KCNC2: variants seen among roughly 807,000 people sequenced by gnomAD.
KCNC2 encodes voltage-gated potassium channel KCNC2.
KCNC2 carries 21 observed loss-of-function variants against 44.5 expected under a neutral mutation model. The observed-to-expected ratio is 0.47, with a 90% CI of 0.33 to 0.68. KCNC2 has a LOEUF of 0.68. KCNC2 is among the 30% of genes least tolerant of loss of function. The pLI is 0.01. For synonymous variants in KCNC2, 391 were observed against 339.1 expected (o/e 1.15, Z -1.68); for missense variants, 589 against 826.2 (o/e 0.71, Z 3.52).
chr12:75,201,529 T>A (rs1282134838), intron 2 of KCNC2, among the ~76,000 whole-genome samples: 1 of 151,860 alleles, frequency 6.6e-6, no homozygotes, highest in Non-Finnish European at 1.5e-5. Context: ...GAAGATGAAG[T>A]AAATTCTCCA....
chr12:75,041,915 T>G lies in KCNC2; in HGVS notation c.*1190A>C. The G allele has an allele frequency of 7.0e-6, 7 of 995,804 alleles. No individual in the cohort carries two copies. Among genetic ancestry groups the G allele is most frequent in the Non-Finnish European group, 8.4e-6 (7 of 837,088 alleles). 61.7% of individuals were successfully genotyped at this position (995,804 alleles called of 1,614,324 possible). The stretch of plus-strand genomic sequence containing the variant: ...AAATCATAAACATCTTACAGAGGCA[T>G]TTCTGTGCTTCATGGAGACAGATGG... On this transcript the variant is annotated 3_prime_UTR_variant, in exon 5 of 5. Coordinates refer to ENST00000549446, the MANE Select transcript of KCNC2 (RefSeq NM_139137.4).
intron 2 of KCNC2, among the ~76,000 whole-genome samples, chr12:75,091,490 T>C (rs1885469343): frequency 6.6e-6 from 1 of 151,668 alleles, no homozygotes; most frequent in Non-Finnish European, 1.5e-5. Flanking sequence ...AGCAATAAAA[T>C]AATGCTTGAA....
rs1880065358 is a variant in KCNC2 at position 75,042,833 on chromosome 12, C to G, written c.*272G>C. 4 of 1,265,640 alleles carry G rather than the reference C, an allele frequency of 3.2e-6. No homozygotes were observed. The East Asian group carries it at 1.4e-4, about 44-fold the overall frequency. 78.4% of individuals were successfully genotyped at this position (1,265,640 alleles called of 1,614,324 possible). On this transcript the variant is annotated 3_prime_UTR_variant, in exon 5 of 5. Coordinates refer to ENST00000549446, the MANE Select transcript of KCNC2 (RefSeq NM_139137.4). ...TATGTTTATATATTAGTGCACTGGT[C>G]AATATCTGACACTATCTGTCATTTT...
chr12:75,064,274 T>G (rs1023123088), intron 2 of KCNC2, among the ~76,000 whole-genome samples: 1 of 152,044 alleles, frequency 6.6e-6, no homozygotes, highest in Non-Finnish European at 1.5e-5. Flanking sequence ...TATTATAATC[T>G]CTCTTATTTG....
At chr12:75,120,679 A>G (rs1887987095) in intron 2 of KCNC2, among the ~76,000 whole-genome samples, 2 of 152,146 alleles carry the variant, frequency 1.3e-5, no homozygotes, top group Non-Finnish European at 2.9e-5. Context: ...ACTCCTTGGC[A>G]TGTGATTATT....
chr12:75,204,207 A>G lies in KCNC2; in HGVS notation c.687+3090T>C, dbSNP rs549359822. 9.9e-5 allele frequency among the ~76,000 whole-genome samples: 15 copies of G among 152,110 alleles called. No homozygotes were observed. The South Asian group carries it at 3.1e-3, about 31-fold the overall frequency. On this transcript the variant is annotated intron_variant, in intron 2 of 4. Coordinates refer to ENST00000549446, the MANE Select transcript of KCNC2 (RefSeq NM_139137.4). ...TTAAGAATAAGAATTTAAATGTATA[A>G]AATATACACTTATTTACCAATTGAA...
At chr12:75,064,657 A>C (rs7309665) in intron 2 of KCNC2, among the ~76,000 whole-genome samples, 15,891 of 152,034 alleles carry the variant, frequency 0.1, 2,786 homozygotes, top group African/African-American at 0.36. Flanking sequence ...AATTGTCAGC[A>C]GTGGCAAATG....
intron 2 of KCNC2, among the ~76,000 whole-genome samples, chr12:75,120,830 C>CA (rs147033577): frequency 0.011 from 1,631 of 152,060 alleles, 18 homozygotes; most frequent in African/African-American, 0.037. Flanking sequence ...TAGCAGCTTA[C>CA]ATCTTTTCAT....
At chr12:75,071,161 C>A (rs1313401115) in intron 2 of KCNC2, among the ~76,000 whole-genome samples, 1 of 152,070 alleles carries the variant, frequency 6.6e-6, no homozygotes, top group Non-Finnish European at 1.5e-5. Flanking sequence ...GATAATGGAA[C>A]TCTTTATATA....
intron 2 of KCNC2, among the ~76,000 whole-genome samples, chr12:75,161,873 T>C (rs1481619693): frequency 6.6e-6 from 1 of 151,736 alleles, no homozygotes; most frequent in East Asian, 1.9e-4. Context: ...TTAAATAATA[T>C]ATAGGCAGAA....
At chr12:75,066,320 C>T (rs1882830062) in intron 2 of KCNC2, among the ~76,000 whole-genome samples, 1 of 152,050 alleles carries the variant, frequency 6.6e-6, no homozygotes, top group Admixed American at 6.6e-5. Flanking sequence ...GTGCTCCTTG[C>T]AGCATTGGAA....
chr12:75,186,893 T>C (rs1892993801), intron 2 of KCNC2, among the ~76,000 whole-genome samples: 1 of 152,212 alleles, frequency 6.6e-6, no homozygotes. Flanking sequence ...ATTGGTATCT[T>C]ACATCTCAGT....
chr12:75,077,207 G>A (rs1884068597), intron 2 of KCNC2, among the ~76,000 whole-genome samples: 4 of 152,130 alleles, frequency 2.6e-5, no homozygotes, highest in Non-Finnish European at 5.9e-5. Flanking sequence ...ACGAGGACTA[G>A]CATTGCCAGT....
At chr12:75,199,738 G>C (rs958253316) in intron 2 of KCNC2, among the ~76,000 whole-genome samples, 1 of 151,858 alleles carries the variant, frequency 6.6e-6, no homozygotes, top group Non-Finnish European at 1.5e-5. Context: ...TTACATTTGA[G>C]AAGATGATGT....
chr12:75,089,602 C>T (rs1476193493), intron 2 of KCNC2, among the ~76,000 whole-genome samples: 1 of 151,778 alleles, frequency 6.6e-6, no homozygotes, highest in African/African-American at 2.4e-5. Context: ...GAACATGCAA[C>T]TTTTAACAGT....
chr12:75,149,878 T>C (rs560999786), intron 2 of KCNC2, among the ~76,000 whole-genome samples: 12 of 152,036 alleles, frequency 7.9e-5, no homozygotes, highest in African/African-American at 2.6e-4. Flanking sequence ...TGGAGGATTA[T>C]TGAGACAAAT....
chr12:75,109,172 A>C (rs1887026164), intron 2 of KCNC2, among the ~76,000 whole-genome samples: 1 of 152,216 alleles, frequency 6.6e-6, no homozygotes, highest in African/African-American at 2.4e-5. Context: ...CTTGTTACAT[A>C]GGAAATCCCA....
chr12:75,051,443 G>T, intron 2 of KCNC2, 126 bp from the exon 3 acceptor site: 1 of 602,014 alleles, frequency 1.7e-6, no homozygotes. Context: ...GTTTCACTTG[G>T]ATATGACCTA....
intron 2 of KCNC2, among the ~76,000 whole-genome samples, chr12:75,053,266 C>T (rs1169901688): frequency 3.1e-5 from 1 of 32,302 alleles, no homozygotes; most frequent in African/African-American, 1.1e-4. Context: ...CTACTAACTC[C>T]CACCCCAACT....
Sources: allele counts gnomAD v4.1 joint callset (sites outside exome capture counted in the v4.1 genomes callset), GRCh38; gene constraint gnomAD v4.1.1; transcripts MANE v1.5; gene names NCBI Gene and HGNC (gene_info 2026-07-23, HGNC 2026-07-21).